The following TLR5 variants were observed in gnomAD, a reference collection of about 807,000 sequenced individuals.
The protein encoded by TLR5 is toll-like receptor 5.
For missense variants in TLR5, 944 were observed against 999.8 expected, an observed-to-expected ratio of 0.94 and a Z score of 0.75; for synonymous variants, 373 against 384.4, an observed-to-expected ratio of 0.97 and a Z score of 0.35.
chr1:223,115,406 C>T (rs186822910), intron 5 of TLR5, among the ~76,000 whole-genome samples: 3 of 152,294 alleles, frequency 2.0e-5, no homozygotes, highest in Admixed American at 6.5e-5. Flanking sequence ...TGTGCCAGCA[C>T]GCCCAGCTAA....
At chr1:223,130,596 C>G (rs1657361883) in intron 5 of TLR5, among the ~76,000 whole-genome samples, 1 of 152,146 alleles carries the variant, frequency 6.6e-6, no homozygotes, top group Non-Finnish European at 1.5e-5. Context: ...TTCTCTCCTA[C>G]CTGGGCCATC....
At chr1:223,128,891 G>A (rs1198808004) in intron 5 of TLR5, 6 of 152,074 alleles carry the variant, frequency 3.9e-5, no homozygotes, top group African/African-American at 1.2e-4. Flanking sequence ...TGCTTTGCTG[G>A]GTATTTTGTC....
In TLR5 at chr1:223,110,358, A is replaced by C; in HGVS notation, c.*97T>G. ...GTTTTCATAGTAGCAAAAAGAAAAA[A>C]AAAACCTCCAGAGAGGACCCCAAAA... is the stretch of plus-strand genomic sequence containing the variant. On this transcript the variant is annotated 3_prime_UTR_variant, in exon 6 of 6. Coordinates refer to ENST00000642603, the MANE Select transcript of TLR5 (RefSeq NM_003268.6). The C allele has an allele frequency of 7.4e-7, 1 of 1,348,580 alleles. No homozygotes were observed. The highest frequency in any genetic ancestry group is 1.0e-6 in the Non-Finnish European group (1 of 970,090). The allele number at this position is 1,348,580 out of a possible 1,614,324, so 83.5% of individuals were successfully genotyped here. A position where few individuals can be genotyped will look rare whatever the true frequency, so the allele number is the denominator to read the frequency against.
intron 5 of TLR5, among the ~76,000 whole-genome samples, chr1:223,125,851 G>A (rs1657144527): frequency 6.6e-6 from 1 of 152,200 alleles, no homozygotes; most frequent in East Asian, 1.9e-4. Flanking sequence ...AGAGTCTTCA[G>A]GTGACTCCAC....
chr1:223,110,675 G>T lies in TLR5; in HGVS notation c.2357C>A (p.Ala786Asp). The T allele has an allele frequency of 1.2e-6, 2 of 1,614,194 alleles. No individual in the cohort carries two copies. Among genetic ancestry groups the T allele is most frequent in the African/African-American group, 2.7e-5 (2 of 75,052 alleles). Reference sequence around the variant, plus strand: ...GGACCCAACCACCACCATGATGAGAGCACTGTTAAGGTCAGATAAGCACCT... The same window carrying T: ...GGACCCAACCACCACCATGATGAGATCACTGTTAAGGTCAGATAAGCACCT... Reference protein sequence around the residue: ...QGRCLSDLNSALIMVVVGSLS... With the variant: ...QGRCLSDLNSDLIMVVVGSLS... Residue 786 changes from alanine to aspartate, a missense_variant, in exon 6 of 6, where the codon GCT (alanine) becomes GAT (aspartate). Transcript: ENST00000642603.
Position 223,109,637 on chromosome 1 carries a change from G to A in TLR5, c.*818C>T, listed in dbSNP as rs1485292121. On this transcript the variant is annotated 3_prime_UTR_variant, in exon 6 of 6. Transcript: ENST00000642603. ...CCAGCAAGGGCATACCAAGGCCAAG[G>A]TTACATGGCTAATACACAGCTGACT... 2 of 152,226 alleles carry A rather than the reference G, an allele frequency of 1.3e-5. No homozygotes were observed. The highest frequency in any genetic ancestry group is 2.4e-5 in the African/African-American group (1 of 41,422). 9.4% of individuals were successfully genotyped at this position (152,226 alleles called of 1,614,324 possible).
intron 1 of TLR5, among the ~76,000 whole-genome samples, chr1:223,142,221 G>T (rs1657904575): frequency 6.6e-6 from 1 of 152,146 alleles, no homozygotes; most frequent in Non-Finnish European, 1.5e-5. Context: ...GCATTAGCGG[G>T]GAGTCACCAA....
At chr1:223,132,345 G>C (rs1355274792) in intron 5 of TLR5, 130 bp downstream of exon 5, 1 of 151,906 alleles carries the variant, frequency 6.6e-6, no homozygotes, top group East Asian at 1.9e-4. Flanking sequence ...CTGGGCGACA[G>C]AGAGACCTTA....
intron 5 of TLR5, among the ~76,000 whole-genome samples, chr1:223,115,155 T>C (rs886482086): frequency 6.6e-6 from 1 of 152,230 alleles, no homozygotes; most frequent in African/African-American, 2.4e-5. Flanking sequence ...ATGATTCAGC[T>C]CTTGGCTGTC....
intron 5 of TLR5, chr1:223,129,506 C>A (rs1257614390): frequency 6.6e-6 from 1 of 152,260 alleles, no homozygotes; most frequent in East Asian, 1.9e-4. Context: ...GGCCGGACAC[C>A]GTGTCAGGCC....
At chr1:223,123,956 T>A (rs1186114270) in intron 5 of TLR5, 1 of 152,250 alleles carries the variant, frequency 6.6e-6, no homozygotes, top group Non-Finnish European at 1.5e-5. Context: ...GGCAGTGAGC[T>A]GCTCACTCAT....
rs1656251816 is a variant in TLR5, at chr1:223,110,330, G to T, written c.*125C>A. 3 of 929,954 alleles carry T rather than the reference G, an allele frequency of 3.2e-6. No homozygotes were observed. The highest frequency in any genetic ancestry group is 3.0e-5 in the South Asian group (2 of 67,336). The allele number at this position is 929,954 out of a possible 1,614,324, so 57.6% of individuals were successfully genotyped here. A position where few individuals can be genotyped will look rare whatever the true frequency, so the allele number is the denominator to read the frequency against. On this transcript the variant is annotated 3_prime_UTR_variant, in exon 6 of 6. Transcript: ENST00000642603. ...TTGATACGAAAATTGAGAGATTTATGTTGTTTTCATAGTAGCAAAAAGAAA... is the reference window on the plus strand; with the variant it reads ...TTGATACGAAAATTGAGAGATTTATTTTGTTTTCATAGTAGCAAAAAGAAA...
At position 223,138,690 on chromosome 1, in the gene TLR5, G is replaced by A. The variant is rs144866185; in HGVS notation, c.-438-1427C>T. ...CTCCAGGAAACAAAAAAATTTTTGCGTAGTACTCAGAGACATATAAGTGGA... is the reference window on the plus strand; with the variant it reads ...CTCCAGGAAACAAAAAAATTTTTGCATAGTACTCAGAGACATATAAGTGGA... On this transcript the variant is annotated intron_variant, in intron 2 of 5. Transcript: ENST00000642603. Among the ~76,000 whole-genome samples, 55 of 152,220 alleles carry A rather than the reference G, an allele frequency of 3.6e-4. 1 individual carries two copies. In the East Asian group the frequency reaches 7.3e-3, roughly 20 times the overall value.
rs1056755711 is a variant in TLR5 at position 223,110,282 on chromosome 1, G to A, written c.*173C>T. 1.5e-6 allele frequency: 1 copy of A among 666,034 alleles called. No individual in the cohort carries two copies. The highest frequency in any genetic ancestry group is 2.5e-6 in the Non-Finnish European group (1 of 393,630). 41.3% of individuals were successfully genotyped at this position (666,034 alleles called of 1,614,324 possible). On this transcript the variant is annotated 3_prime_UTR_variant, in exon 6 of 6. Coordinates refer to ENST00000642603, the MANE Select transcript of TLR5 (RefSeq NM_003268.6). ...CTAGATCTATTATTTTCCATTTGGAGGTTAGTGAGACAGAACATGGTGTTG... is the reference window on the plus strand; with the variant it reads ...CTAGATCTATTATTTTCCATTTGGAAGTTAGTGAGACAGAACATGGTGTTG...
chr1:223,135,250 G>A (rs1657561890), intron 3 of TLR5, among the ~76,000 whole-genome samples: 2 of 152,306 alleles, frequency 1.3e-5, no homozygotes, highest in South Asian at 2.1e-4. Flanking sequence ...TTGCCTGAGG[G>A]ACTGTAAGCA....
Position 223,120,182 on chromosome 1 carries a change from C to T in TLR5, c.-4-7147G>A, listed in dbSNP as rs147106690. ...TCCCCTTCCCTTTCCAGGTCTTTTC[C>T]TGATCCAGGAGGGATTTAATTAAGA... is the stretch of plus-strand genomic sequence containing the variant. On this transcript the variant is annotated intron_variant, in intron 5 of 5. Transcript: ENST00000642603. Among the ~76,000 whole-genome samples, 705 of 151,748 alleles carry T rather than the reference C, an allele frequency of 4.6e-3. 22 individuals carry two copies. The East Asian group carries it at 0.066, about 14-fold the overall frequency.
chr1:223,112,449 C>T lies in TLR5; in HGVS notation c.583G>A (p.Gly195Arg), dbSNP rs755319866. Residue 195 changes from glycine (G) to arginine (R), a missense_variant, in exon 6 of 6, where the codon GGG (glycine) becomes AGG (arginine). By Grantham distance (125) the Gly-to-Arg change is moderately radical. Coordinates refer to ENST00000642603, the MANE Select transcript of TLR5 (RefSeq NM_003268.6). Reference sequence around the variant, plus strand: ...AGGCTAAAAAAGGAGAGCGTTTTCCCTTGTAGGGGCTCGAGCTCATGTTCA... The same window carrying T: ...AGGCTAAAAAAGGAGAGCGTTTTCCTTTGTAGGGGCTCGAGCTCATGTTCA... ...VCEHELEPLQ[G>R]KTLSFFSLAA... is the part of the protein sequence containing the mutation. 1 of 1,614,206 alleles carries T rather than the reference C, an allele frequency of 6.2e-7. No homozygotes were observed. The highest frequency in any genetic ancestry group is 1.3e-5 in the African/African-American group (1 of 75,052).
intron 5 of TLR5, chr1:223,123,756 A>C (rs1007495351): frequency 6.6e-6 from 1 of 152,266 alleles, no homozygotes; most frequent in East Asian, 1.9e-4. Context: ...GGGAAATCCA[A>C]TCTAAAGAGG....
chr1:223,111,214 T>C lies in TLR5; in HGVS notation c.1818A>G (p.Ala606=). 7 of 1,614,210 alleles carry C rather than the reference T, an allele frequency of 4.3e-6. No homozygotes were observed. Among genetic ancestry groups the C allele is most frequent in the Non-Finnish European group, 5.9e-6 (7 of 1,180,018 alleles). The change falls in exon 6 of 6, where the codon GCA becomes GCG. Residue 606 remains alanine, a synonymous_variant. Transcript: ENST00000642603. ...HTNVTIAGPP[A]DIYCVYPDSF... is the part of the protein sequence containing the mutation. ...AGTCAGGGTACACACAATATATGTC[T>C]GCAGGAGGCCCAGCTATAGTGACAT...
Sources: gnomAD v4.1 joint callset for allele counts (sites outside exome capture counted in the v4.1 genomes callset) on GRCh38, gnomAD v4.1.1 for gene constraint, MANE v1.5 for transcripts, NCBI Gene and HGNC (gene_info 2026-07-23, HGNC 2026-07-21) for gene names.